KCNH5: variants seen among roughly 807,000 people sequenced by gnomAD.
KCNH5 encodes potassium voltage-gated channel subfamily H member 5, also known as voltage-gated delayed rectifier potassium channel KCNH5.
A neutral mutation model predicts 96.1 loss-of-function variants in KCNH5; 46 were observed. The ratio of observed to expected loss-of-function variants is 0.48; its 90% CI spans 0.38 to 0.61. KCNH5 has a LOEUF of 0.61. KCNH5 is among the 20% of genes least tolerant of loss of function. The pLI is 0.00. For synonymous variants in KCNH5, 439 were observed against 449.8 expected, an observed-to-expected ratio of 0.98 and a Z score of 0.30; for missense variants, 907 against 1,225.8, an observed-to-expected ratio of 0.74 and a Z score of 3.88.
intron 7 of KCNH5, among the ~76,000 whole-genome samples, chr14:62,924,358 T>A (rs181193253): frequency 1.3e-5 from 2 of 151,962 alleles, no homozygotes; most frequent in African/African-American, 4.8e-5. Context: ...GGACCACTTA[T>A]ACACTGTTGG....
intron 8 of KCNH5, among the ~76,000 whole-genome samples, chr14:62,816,380 A>G (rs1886979397): frequency 6.6e-6 from 1 of 152,008 alleles, no homozygotes; most frequent in South Asian, 2.1e-4. Context: ...TATGTAAAAT[A>G]AAATCAGAAA....
chr14:62,717,963 T>C (rs142238272), intron 10 of KCNH5, among the ~76,000 whole-genome samples: 1 of 152,324 alleles, frequency 6.6e-6, no homozygotes, highest in Non-Finnish European at 1.5e-5. Context: ...AGTCATGTCC[T>C]GTGCAGCAAT....
chr14:62,876,270 A>G (rs1263330303), intron 7 of KCNH5, among the ~76,000 whole-genome samples: 10 of 152,172 alleles, frequency 6.6e-5, no homozygotes, highest in Non-Finnish European at 1.5e-4. Context: ...ATAGTGAAAG[A>G]CTTAAGATGT....
chr14:62,799,987 G>A (rs999506010), intron 9 of KCNH5, among the ~76,000 whole-genome samples: 2 of 150,686 alleles, frequency 1.3e-5, no homozygotes, highest in Non-Finnish European at 3.0e-5. Flanking sequence ...AGGAGGAGGA[G>A]GAGAAGAAGA....
At chr14:62,815,556 T>C (rs1886961232) in intron 8 of KCNH5, among the ~76,000 whole-genome samples, 1 of 152,088 alleles carries the variant, frequency 6.6e-6, no homozygotes, top group African/African-American at 2.4e-5. Context: ...TTGACTGTAG[T>C]GATTATTTCA....
intron 6 of KCNH5, among the ~76,000 whole-genome samples, chr14:62,965,738 G>T (rs1004862555): frequency 6.6e-6 from 1 of 152,088 alleles, no homozygotes; most frequent in African/African-American, 2.4e-5. Flanking sequence ...CTAGTGATCA[G>T]TCCTAGTGAT....
In KCNH5 at chr14:62,867,155, T is replaced by C. The variant is rs867350181; in HGVS notation, c.1370-17303A>G. On this transcript the variant is annotated intron_variant, in intron 7 of 10. Coordinates refer to ENST00000322893, the MANE Select transcript of KCNH5 (RefSeq NM_139318.5). ...CAGAACACTTCCTCCCACCTCTCAC[T>C]GGCAGAGCCCCGTCATGTGGCCCCA... Among the ~76,000 whole-genome samples the C allele has an allele frequency of 1.1e-3, 169 of 152,242 alleles. 1 individual carries two copies. Among genetic ancestry groups the C allele is most frequent in the South Asian group, 1.2e-3 (6 of 4,820 alleles).
chr14:62,906,638 T>C (rs950764661), intron 7 of KCNH5, among the ~76,000 whole-genome samples: 4 of 152,224 alleles, frequency 2.6e-5, no homozygotes, highest in Admixed American at 2.6e-4. Context: ...TTCTAATTGA[T>C]ATTGTTAAAT....
intron 8 of KCNH5, among the ~76,000 whole-genome samples, chr14:62,841,591 T>G (rs895343771): frequency 1.3e-5 from 2 of 152,242 alleles, no homozygotes; most frequent in African/African-American, 4.8e-5. Flanking sequence ...TCATCTATGC[T>G]TAAATAAAAC....
intron 10 of KCNH5, among the ~76,000 whole-genome samples, chr14:62,732,886 T>C (rs968843903): frequency 6.6e-6 from 1 of 152,130 alleles, no homozygotes; most frequent in African/African-American, 2.4e-5. Context: ...TCTCTCTTTC[T>C]GTCTCTCTCT....
intron 7 of KCNH5, among the ~76,000 whole-genome samples, chr14:62,876,617 G>A (rs557825293): frequency 2.4e-4 from 37 of 152,276 alleles, no homozygotes; most frequent in African/African-American, 8.7e-4. Flanking sequence ...GCAGAAAAAT[G>A]TAAGGATAAA....
chr14:62,919,886 C>T (rs8007782), intron 7 of KCNH5, among the ~76,000 whole-genome samples: 1 of 151,800 alleles, frequency 6.6e-6, no homozygotes, highest in East Asian at 1.9e-4. Flanking sequence ...TCAAACCAAG[C>T]GGGGAGAGAG....
intron 10 of KCNH5, among the ~76,000 whole-genome samples, chr14:62,733,389 G>A (rs1885091693): frequency 6.6e-6 from 1 of 152,080 alleles, no homozygotes; most frequent in South Asian, 2.1e-4. Flanking sequence ...GATACAATGA[G>A]ATGACAGTCA....
intron 1 of KCNH5, among the ~76,000 whole-genome samples, chr14:63,028,248 C>A (rs1450567172): frequency 6.6e-6 from 1 of 152,066 alleles, no homozygotes; most frequent in African/African-American, 2.4e-5. Context: ...AACAGCTCTA[C>A]AATGGGAACG....
chr14:62,956,302 T>C (rs555863396), intron 6 of KCNH5, among the ~76,000 whole-genome samples: 36 of 152,202 alleles, frequency 2.4e-4, no homozygotes, highest in African/African-American at 8.7e-4. Flanking sequence ...CAGAAACAGA[T>C]GGAACTACTC....
intron 7 of KCNH5, among the ~76,000 whole-genome samples, chr14:62,885,005 G>A (rs1032909092): frequency 2.0e-5 from 3 of 152,056 alleles, no homozygotes; most frequent in Admixed American, 1.3e-4. Flanking sequence ...AAACAACAAC[G>A]ATCTCAAATC....
At chr14:62,727,446 A>C (rs547749847) in intron 10 of KCNH5, among the ~76,000 whole-genome samples, 1 of 152,282 alleles carries the variant, frequency 6.6e-6, no homozygotes, top group African/African-American at 2.4e-5. Context: ...TAAGCTTCTG[A>C]CATGTTTCCT....
intron 6 of KCNH5, among the ~76,000 whole-genome samples, chr14:62,958,247 G>A (rs1268653355): frequency 6.6e-6 from 1 of 152,160 alleles, no homozygotes; most frequent in African/African-American, 2.4e-5. Flanking sequence ...TACTTCATGA[G>A]AATAAAGAAC....
intron 9 of KCNH5, among the ~76,000 whole-genome samples, chr14:62,785,490 G>A (rs1886302335): frequency 6.6e-6 from 1 of 152,170 alleles, no homozygotes; most frequent in African/African-American, 2.4e-5. Flanking sequence ...AGCTCCCGCT[G>A]GGTACAAGTA....
Sources: allele counts gnomAD v4.1 joint callset (sites outside exome capture counted in the v4.1 genomes callset), GRCh38; gene constraint gnomAD v4.1.1; transcripts MANE v1.5; gene names NCBI Gene and HGNC (gene_info 2026-07-23, HGNC 2026-07-21).